The following INTS1 variants were observed in gnomAD, a reference collection of about 807,000 sequenced individuals.
INTS1 encodes integrator complex subunit 1.
A neutral mutation model predicts 241.6 loss-of-function variants in INTS1; 137 were observed. The observed-to-expected ratio is 0.57, with a 90% CI of 0.49 to 0.65. The LOEUF (loss-of-function observed/expected upper bound fraction) is 0.65, where lower values mean the gene tolerates loss of function less well. INTS1 is among the 30% of genes least tolerant of loss of function. The pLI is 0.00. For synonymous variants in INTS1, 1,692 were observed against 1,337.8 expected, an observed-to-expected ratio of 1.26 and a Z score of -5.78; for missense variants, 3,073 against 3,032.2, an observed-to-expected ratio of 1.01 and a Z score of -0.32.
At chr7:1,480,789 C>A (rs762822350) in intron 29 of INTS1, 46 bp downstream of exon 29, 1 of 1,462,528 alleles carries the variant, frequency 6.8e-7, no homozygotes. Flanking sequence ...TGGCCCCACC[C>A]CTCCCCAGGC....
At chr7:1,484,739 T>A (rs1782169004) in intron 24 of INTS1, among the ~76,000 whole-genome samples, 1 of 152,150 alleles carries the variant, frequency 6.6e-6, no homozygotes. Flanking sequence ...TGGCTTCGCA[T>A]CCTCAGGGTC....
chr7:1,499,766 T>C (rs376076806), intron 5 of INTS1, 118 bp downstream of exon 5: 1 of 1,467,740 alleles, frequency 6.8e-7, no homozygotes, highest in Non-Finnish European at 9.1e-7. Context: ...GACCGTGCCA[T>C]CACCACCAGG....
In INTS1 at chr7:1,476,370, C is replaced by T. The variant is rs376714369; in HGVS notation, c.5237G>A (p.Arg1746Gln). ...VELILAEAET[R>Q]SQDGDTAACS... ...GGCGGCTGTGTCCCCGTCCTGGCTC[C>T]GCGTCTCCGCCTCGGCCAGGATCAG... Residue 1746 changes from arginine (R) to glutamine (Q), a missense_variant, in exon 38 of 48, where the codon CGG (arginine) becomes CAG (glutamine). Transcript: ENST00000404767. The T allele has an allele frequency of 2.0e-5, 31 of 1,575,650 alleles. No individual in the cohort carries two copies. The Admixed American group carries it at 4.2e-4, about 21-fold the overall frequency.
At chr7:1,496,774 T>C (rs1782883406) in intron 11 of INTS1, among the ~76,000 whole-genome samples, 1 of 152,162 alleles carries the variant, frequency 6.6e-6, no homozygotes, top group African/African-American at 2.4e-5. Flanking sequence ...CCACCCTCAC[T>C]GTGCCTTCCA....
At chr7:1,486,166 A>G (rs1782256335) in intron 22 of INTS1, among the ~76,000 whole-genome samples, 1 of 151,398 alleles carries the variant, frequency 6.6e-6, no homozygotes, top group South Asian at 2.1e-4. Context: ...AAACTCCTGG[A>G]CTCAAGTGAT....
Position 1,500,727 on chromosome 7 carries a change from G to A in INTS1, c.350-361C>T, listed in dbSNP as rs1287171782. Reference sequence around the variant, plus strand: ...GGCGGCTTCTTTCTCACTGTGGACCGCAGCACAGTGGCCCTCTCTCCGCAC... The same window carrying A: ...GGCGGCTTCTTTCTCACTGTGGACCACAGCACAGTGGCCCTCTCTCCGCAC... On this transcript the variant is annotated intron_variant, in intron 3 of 47. Coordinates refer to ENST00000404767, the MANE Select transcript of INTS1 (RefSeq NM_001080453.3). Among the ~76,000 whole-genome samples the A allele has an allele frequency of 5.9e-5, 9 of 152,236 alleles. No individual in the cohort carries two copies. The East Asian group carries it at 7.7e-4, about 13-fold the overall frequency.
At position 1,478,438 on chromosome 7, in the gene INTS1, TGGA is replaced by T; in HGVS notation, c.4555_4557del (p.Ser1519del). 6.2e-7 allele frequency: 1 copy of T among 1,612,434 alleles called. No individual in the cohort carries two copies. The highest frequency in any genetic ancestry group is 1.7e-5 in the Admixed American group (1 of 59,998). ...AGGGTGGCGATGACGGCACGGACGGTGGAGCTGACCACCTCCAGGTCCTGACGG... is the reference window on the plus strand; with the variant it reads ...AGGGTGGCGATGACGGCACGGACGGTGCTGACCACCTCCAGGTCCTGACGG... On this transcript the variant is annotated inframe_deletion, in exon 33 of 48. Coordinates refer to ENST00000404767, the MANE Select transcript of INTS1 (RefSeq NM_001080453.3).
intron 14 of INTS1, chr7:1,494,602 G>A: frequency 1.6e-6 from 1 of 608,940 alleles, no homozygotes; most frequent in Non-Finnish European, 2.9e-6. Flanking sequence ...TCACGTGGAC[G>A]CAGACGGCAG....
rs1202790936 is a variant in INTS1, at chr7:1,478,269, AG to A, written c.4630+96del. The A allele has an allele frequency of 2.2e-6, 3 of 1,351,746 alleles. No individual in the cohort carries two copies. In the African/African-American group the frequency reaches 4.3e-5, roughly 19 times the overall value. 83.7% of individuals were successfully genotyped at this position (1,351,746 alleles called of 1,614,324 possible). On this transcript the variant is annotated intron_variant, in intron 33 of 47. Coordinates refer to ENST00000404767, the MANE Select transcript of INTS1 (RefSeq NM_001080453.3). ...GCACTTTCCGGGGACAGTGCTGAGC[AG>A]ACACTGTCCGTCCCCCACTGGGCAG...
At chr7:1,499,849 C>G in intron 5 of INTS1, 35 bp downstream of exon 5, 1 of 1,598,640 alleles carries the variant, frequency 6.3e-7, no homozygotes, top group Non-Finnish European at 8.5e-7. Flanking sequence ...CCGTGGCGCT[C>G]TGCCATCTTC....
intron 14 of INTS1, chr7:1,494,549 T>G (rs1782751449): frequency 1.8e-6 from 1 of 548,580 alleles, no homozygotes; most frequent in Admixed American, 3.1e-5. Context: ...TGGAAGCAAC[T>G]GGAAGGCGGG....
At chr7:1,499,694 C>T in intron 5 of INTS1, 62 bp from the exon 6 acceptor site, 1 of 1,532,824 alleles carries the variant, frequency 6.5e-7, no homozygotes. Flanking sequence ...TTGGGGAACA[C>T]CCGCCTGCTG....
intron 17 of INTS1, 53 bp from the exon 18 acceptor site, chr7:1,489,457 G>A (rs1464243597): frequency 1.5e-5 from 22 of 1,484,208 alleles, no homozygotes; most frequent in Non-Finnish European, 1.9e-5. Flanking sequence ...CACCAGGCGT[G>A]TGACCCCCGC....
chr7:1,494,765 G>C, intron 14 of INTS1, 51 bp downstream of exon 14: 2 of 1,532,922 alleles, frequency 1.3e-6, no homozygotes, highest in East Asian at 2.5e-5. Flanking sequence ...CCGGCACCCC[G>C]CAGCCCCGCC....
At chr7:1,504,139 G>GGAGC in intron 1 of INTS1, 138 bp from the exon 2 acceptor site, 1 of 561,130 alleles carries the variant, frequency 1.8e-6, no homozygotes, top group Non-Finnish European at 3.1e-6. Context: ...CGATGCTGCA[G>GGAGC]GAGCTGCAGG....
In INTS1 at chr7:1,483,883, A is replaced by G. The variant is rs116351875; in HGVS notation, c.3430-30T>C. On this transcript the variant is annotated intron_variant, in intron 25 of 47. Transcript: ENST00000404767. ...GGGAAAAGAGGTGGAGTCAGGCCGT[A>G]AGGTTCAGGGACCCTGAGCCAGCGC... 11,295 of 1,600,046 alleles carry G rather than the reference A, an allele frequency of 7.1e-3. 659 individuals are homozygous for G. The African/African-American group carries it at 0.13, about 19-fold the overall frequency.
At chr7:1,477,701 G>A in intron 34 of INTS1, 28 bp from the exon 35 acceptor site, 5 of 1,603,680 alleles carry the variant, frequency 3.1e-6, no homozygotes, top group Non-Finnish European at 3.4e-6. Flanking sequence ...CTCAGGGAAG[G>A]GCTGGTGCCA....
rs1782702539 is a variant in INTS1 at position 1,493,696 on chromosome 7, T to C, written c.2068+58A>G. The C allele has an allele frequency of 6.0e-6, 9 of 1,508,268 alleles. No individual in the cohort carries two copies. Among genetic ancestry groups the C allele is most frequent in the Non-Finnish European group, 8.0e-6 (9 of 1,123,372 alleles). The allele number at this position is 1,508,268 out of a possible 1,614,324, so 93.4% of individuals were successfully genotyped here. On this transcript the variant is annotated intron_variant, in intron 15 of 47. Transcript: ENST00000404767. The surrounding 1 kb of genome is among the most constrained non-coding windows in gnomAD (Gnocchi z 5.3). The stretch of plus-strand genomic sequence containing the variant: ...AGAGGTGCGTGCCAGAGCCGGGGTT[T>C]CTGCAGGGACGAGGGGAGCAGACCC...
chr7:1,479,444 G>A lies in INTS1; in HGVS notation c.4315C>T (p.Leu1439Phe), dbSNP rs1781886693. ...HFLACPLLRQ[L>F]CQYQRCVPQD... ...CGCCCAAGTACCTGGTACTGGCAGA[G>A]CTGGCGCAGCAGCGGGCAGGCCAGG... is the stretch of plus-strand genomic sequence containing the variant. Residue 1439 changes from leucine (L) to phenylalanine (F), a missense_variant, in exon 31 of 48, where the codon CTC (leucine) becomes TTC (phenylalanine). Coordinates refer to ENST00000404767, the MANE Select transcript of INTS1 (RefSeq NM_001080453.3). 6.3e-7 allele frequency: 1 copy of A among 1,578,230 alleles called. No individual in the cohort carries two copies.
Sources: allele counts gnomAD v4.1 joint callset (sites outside exome capture counted in the v4.1 genomes callset), GRCh38; gene constraint gnomAD v4.1.1; non-coding constraint Gnocchi (gnomAD v3.1); transcripts MANE v1.5; gene names NCBI Gene and HGNC (gene_info 2026-07-23, HGNC 2026-07-21).